Variants in THSD7A observed in about 807,000 individuals in gnomAD.
THSD7A encodes the protein thrombospondin type-1 domain-containing protein 7A.
In THSD7A, 96 loss-of-function variants were observed where a neutral mutation model predicts 231.3. The observed-to-expected ratio is 0.41, with a 90% CI of 0.35 to 0.49. The LOEUF (loss-of-function observed/expected upper bound fraction) is 0.49. THSD7A is among the 20% of genes least tolerant of loss of function. The probability of loss-of-function intolerance (pLI) is 0.05; values close to 1 mark genes in which losing one functional copy is unlikely to be tolerated. For synonymous variants in THSD7A, 940 were observed against 743.3 expected (o/e 1.26, Z -4.30); for missense variants, 2,290 against 2,070.2 (o/e 1.11, Z -2.06).
intron 11 of THSD7A, among the ~76,000 whole-genome samples, chr7:11,447,629 A>AT (rs1785015364): frequency 6.6e-6 from 1 of 152,088 alleles, no homozygotes; most frequent in African/African-American, 2.4e-5. Flanking sequence ...ACCCTGAGTG[A>AT]TTTTTGTGGC....
rs535719411 is a variant in THSD7A, at chr7:11,727,727, AAAC to A, written c.191-90769_191-90767del. On this transcript the variant is annotated intron_variant, in intron 1 of 27. Transcript: ENST00000423059. ...AAATAAATGACAGAGAAACATCTCA[AAAC>A]AATAATTATAGGTATTCCCGTATCA... Among the ~76,000 whole-genome samples the A allele has an allele frequency of 6.0e-4, 92 of 152,172 alleles. 1 individual carries two copies. In the South Asian group the frequency reaches 0.019, roughly 31 times the overall value.
In THSD7A at chr7:11,777,414, T is replaced by TAC. The variant is rs66487858; in HGVS notation, c.190+54341_190+54342dup. 9.1e-3 allele frequency among the ~76,000 whole-genome samples: 1,338 copies of TAC among 147,238 alleles called. 9 individuals are homozygous for TAC. The highest frequency in any genetic ancestry group is 0.013 in the Non-Finnish European group (875 of 66,888). ...AACTATGTTTCAGATGTAAATTAAG[T>TAC]ACACACACACACACACACACACACA... On this transcript the variant is annotated intron_variant, in intron 1 of 27. Coordinates refer to ENST00000423059, the MANE Select transcript of THSD7A (RefSeq NM_015204.3).
At chr7:11,719,534 A>G (rs1165228643) in intron 1 of THSD7A, among the ~76,000 whole-genome samples, 1 of 151,540 alleles carries the variant, frequency 6.6e-6, no homozygotes, top group Admixed American at 6.6e-5. Context: ...ATATCCTGTC[A>G]TTATCTAAGG....
At position 11,716,864 on chromosome 7, in the gene THSD7A, C is replaced by T. The variant is rs1459311127; in HGVS notation, c.191-79903G>A. Among the ~76,000 whole-genome samples, 4 of 151,576 alleles carry T rather than the reference C, an allele frequency of 2.6e-5. No individual in the cohort carries two copies. The East Asian group carries it at 7.9e-4, about 30-fold the overall frequency. On this transcript the variant is annotated intron_variant, in intron 1 of 27. Transcript: ENST00000423059. ...AAAAACAGAAAAAGCGTATGTAATACAAACATAAGACAATTACAAAAACAC... is the reference window on the plus strand; with the variant it reads ...AAAAACAGAAAAAGCGTATGTAATATAAACATAAGACAATTACAAAAACAC...
chr7:11,814,493 G>A lies in THSD7A; in HGVS notation c.190+17264C>T, dbSNP rs1784622027. ...AAATTACCTCAAGAAGAATGATCTT[G>A]AAAGCTCTGAAAACTTTCATCATGA... On this transcript the variant is annotated intron_variant, in intron 1 of 27. Coordinates refer to ENST00000423059, the MANE Select transcript of THSD7A (RefSeq NM_015204.3). This position sits in a 1 kb window ranked among gnomAD's most constrained non-coding sequence, Gnocchi z 5.1. Among the ~76,000 whole-genome samples, 1 of 152,120 alleles carries A rather than the reference G, an allele frequency of 6.6e-6. No homozygotes were observed. The highest frequency in any genetic ancestry group is 1.5e-5 in the Non-Finnish European group (1 of 68,032).
At chr7:11,587,472 A>G (rs1779957098) in intron 4 of THSD7A, among the ~76,000 whole-genome samples, 1 of 152,174 alleles carries the variant, frequency 6.6e-6, no homozygotes, top group African/African-American at 2.4e-5. Context: ...GCAATAATAA[A>G]ATATAGACAC....
chr7:11,780,580 C>G (rs1032319373), intron 1 of THSD7A, among the ~76,000 whole-genome samples: 2 of 152,132 alleles, frequency 1.3e-5, no homozygotes, highest in African/African-American at 4.8e-5. Context: ...TTCTCTAGCT[C>G]CAGTCAATCC....
Position 11,406,338 on chromosome 7 carries a change from T to G in THSD7A, c.4199A>C (p.Asn1400Thr). 1 of 1,613,340 alleles carries G rather than the reference T, an allele frequency of 6.2e-7. No individual in the cohort carries two copies. The highest frequency in any genetic ancestry group is 8.5e-7 in the Non-Finnish European group (1 of 1,179,642). Residue 1400 changes from asparagine (N) to threonine (T), a missense_variant, in exon 22 of 28, where the codon AAT becomes ACT. Asn to Thr is a moderately conservative substitution (Grantham distance 65). Coordinates refer to ENST00000423059, the MANE Select transcript of THSD7A (RefSeq NM_015204.3). This position sits in a 1 kb window ranked among gnomAD's most constrained non-coding sequence, Gnocchi z 4.7. ...DIELIIDGNK[N>T]MVLEESCSQP... ...GCTGCAGGATTCCTCCAGAACCATA[T>G]TTTTATTACCATCTATAATGAGTTC...
At chr7:11,762,119 T>C (rs1297975756) in intron 1 of THSD7A, among the ~76,000 whole-genome samples, 2 of 152,198 alleles carry the variant, frequency 1.3e-5, no homozygotes, top group Non-Finnish European at 2.9e-5. Context: ...CCATGGTGTA[T>C]ACCTACCACA....
At chr7:11,778,175 A>AAAAAAAAAAAAAAAAAAAG in intron 1 of THSD7A, among the ~76,000 whole-genome samples, 1 of 147,370 alleles carries the variant, frequency 6.8e-6, no homozygotes, top group Non-Finnish European at 1.5e-5. Context: ...AAAAAAAAAA[A>AAAAAAAAAAAAAAAAAAAG]AAAGAAAGCC....
rs371368373 is a variant in THSD7A at position 11,424,735 on chromosome 7, C to T, written c.3344G>A (p.Arg1115Gln). 2.7e-5 allele frequency: 43 copies of T among 1,613,854 alleles called. No individual in the cohort carries two copies. In the East Asian group the frequency reaches 2.7e-4, roughly 10 times the overall value. ...SICKVTFVNM[R>Q]ENCGEGVQTR... ...TTGCACGCCCTCTCCACAGTTCTCCCGCATATTCACAAAGGTCACCTTGCA... is the reference window on the plus strand; with the variant it reads ...TTGCACGCCCTCTCCACAGTTCTCCTGCATATTCACAAAGGTCACCTTGCA... Residue 1115 changes from arginine to glutamine, a missense_variant, in exon 16 of 28, where the codon CGG becomes CAG. Transcript: ENST00000423059.
intron 22 of THSD7A, among the ~76,000 whole-genome samples, chr7:11,402,748 T>G (rs1186697990): frequency 6.6e-6 from 1 of 152,186 alleles, no homozygotes; most frequent in Non-Finnish European, 1.5e-5. Context: ...GTGTCTGGCT[T>G]CTTTCTCTCA....
chr7:11,385,934 G>A (rs1160892095), intron 23 of THSD7A, among the ~76,000 whole-genome samples: 1 of 151,898 alleles, frequency 6.6e-6, no homozygotes, highest in Non-Finnish European at 1.5e-5. Context: ...TGTTCTCGTT[G>A]TTCAACTCCC....
intron 1 of THSD7A, among the ~76,000 whole-genome samples, chr7:11,709,382 A>G (rs1780877317): frequency 6.6e-6 from 1 of 150,810 alleles, no homozygotes; most frequent in Non-Finnish European, 1.5e-5. Flanking sequence ...GGCATGATTT[A>G]CACACCACTG....
At chr7:11,514,211 A>G (rs191990861) in intron 6 of THSD7A, among the ~76,000 whole-genome samples, 42 of 152,052 alleles carry the variant, frequency 2.8e-4, no homozygotes, top group African/African-American at 9.6e-4. Flanking sequence ...ATTTTTCTTC[A>G]TAACACTTAT....
Position 11,543,024 on chromosome 7 carries a change from G to A in THSD7A, c.1547C>T (p.Ser516Leu). The A allele has an allele frequency of 1.2e-6, 2 of 1,613,890 alleles. No individual in the cohort carries two copies. Among genetic ancestry groups the A allele is most frequent in the Non-Finnish European group, 1.7e-6 (2 of 1,179,842 alleles). The change falls in exon 5 of 28, where the codon TCA (serine) becomes TTA (leucine). Residue 516 changes from serine (S) to leucine (L), a missense_variant. Transcript: ENST00000423059. ...HIPCPTECEVSPWSAWGPCTY... is the reference protein window; with the variant it reads ...HIPCPTECEVLPWSAWGPCTY... ...ACAAGGTCCCCAAGCTGACCAAGGT[G>A]AAACTTCACATTCAGTTGGACAAGG...
intron 1 of THSD7A, among the ~76,000 whole-genome samples, chr7:11,655,636 A>C (rs1201267748): frequency 6.6e-6 from 1 of 151,924 alleles, no homozygotes; most frequent in Non-Finnish European, 1.5e-5. Context: ...AAAATAAAAC[A>C]GAGTAGACAA....
chr7:11,595,764 C>G (rs1410179161), intron 2 of THSD7A, among the ~76,000 whole-genome samples: 3 of 152,208 alleles, frequency 2.0e-5, no homozygotes, highest in African/African-American at 7.2e-5. Flanking sequence ...AAACCAAAGT[C>G]ACTCAACTAC....
intron 1 of THSD7A, among the ~76,000 whole-genome samples, chr7:11,707,739 G>A (rs1194551142): frequency 6.6e-6 from 1 of 150,944 alleles, no homozygotes; most frequent in Non-Finnish European, 1.5e-5. Context: ...GTACACTCTC[G>A]TTTCCATATC....
Sources: allele counts gnomAD v4.1 joint callset (sites outside exome capture counted in the v4.1 genomes callset), GRCh38; gene constraint gnomAD v4.1.1; non-coding constraint Gnocchi (gnomAD v3.1); transcripts MANE v1.5; gene names NCBI Gene and HGNC (gene_info 2026-07-23, HGNC 2026-07-21).